ATF1: variants seen among roughly 807,000 people sequenced by gnomAD.
ATF1 encodes cyclic AMP-dependent transcription factor ATF-1.
In ATF1, 16 loss-of-function variants were observed where a neutral mutation model predicts 34.7. The observed-to-expected ratio is 0.46, with a 90% CI of 0.31 to 0.70. The LOEUF is 0.70. Ranked by LOEUF, ATF1 falls within the 30% of genes least tolerant of loss-of-function variation. ATF1 has a pLI of 0.05. For missense variants in ATF1, 255 were observed against 321.6 expected (o/e 0.79, Z 1.58); for synonymous variants, 105 against 113.1 (o/e 0.93, Z 0.46).
At position 50,790,048 on chromosome 12, in the gene ATF1, T is replaced by C. The variant is rs946408449; in HGVS notation, c.94-5861T>C. On this transcript the variant is annotated intron_variant, in intron 2 of 6. Transcript: ENST00000262053. ...GAAACCTTTGAGGAATGATGGCCCTTAGTCTTTTAGAAATGTAGATTAATC... is the reference window on the plus strand; with the variant it reads ...GAAACCTTTGAGGAATGATGGCCCTCAGTCTTTTAGAAATGTAGATTAATC... Among the ~76,000 whole-genome samples the C allele has an allele frequency of 8.0e-4, 122 of 152,182 alleles. 1 individual carries two copies. Among genetic ancestry groups the C allele is most frequent in the African/African-American group, 2.7e-3 (111 of 41,442 alleles).
Position 50,809,439 on chromosome 12 carries a change from T to TC in ATF1, c.195-16dup. ...TCACATTACCAATGTTTAATAGAGTTCTGGTTTTTTTTACAGAAAAATTTT... is the reference window on the plus strand; with the variant it reads ...TCACATTACCAATGTTTAATAGAGTTCCTGGTTTTTTTTACAGAAAAATTTT... On this transcript the variant is annotated splice_polypyrimidine_tract_variant and intron_variant, in intron 3 of 6. Coordinates refer to ENST00000262053, the MANE Select transcript of ATF1 (RefSeq NM_005171.5). 1 of 1,467,976 alleles carries TC rather than the reference T, an allele frequency of 6.8e-7. No homozygotes were observed. The highest frequency in any genetic ancestry group is 9.1e-7 in the Non-Finnish European group (1 of 1,101,538). The allele number at this position is 1,467,976 out of a possible 1,614,324, so 90.9% of individuals were successfully genotyped here.
chr12:50,798,384 C>T (rs1253020927), intron 3 of ATF1, among the ~76,000 whole-genome samples: 1 of 151,592 alleles, frequency 6.6e-6, no homozygotes, highest in African/African-American at 2.4e-5. Context: ...TCTCGGCTCA[C>T]TGCAAGCTCC....
chr12:50,804,569 G>A (rs1371480379), intron 3 of ATF1, among the ~76,000 whole-genome samples: 1 of 152,106 alleles, frequency 6.6e-6, no homozygotes, highest in Non-Finnish European at 1.5e-5. Flanking sequence ...TCTGGTCCCA[G>A]CTGCCCAGGA....
chr12:50,773,856 C>G (rs1940844602), intron 1 of ATF1, among the ~76,000 whole-genome samples: 1 of 151,948 alleles, frequency 6.6e-6, no homozygotes, highest in Non-Finnish European at 1.5e-5. Context: ...TCCCAAAGCG[C>G]TAGGATTACA....
chr12:50,766,427 C>G (rs1411919830), intron 1 of ATF1, among the ~76,000 whole-genome samples: 1 of 152,056 alleles, frequency 6.6e-6, no homozygotes, highest in African/African-American at 2.4e-5. Flanking sequence ...GCCTTGCGCT[C>G]TTTGCTGATG....
Position 50,808,730 on chromosome 12 carries a change from G to A in ATF1, c.195-726G>A, listed in dbSNP as rs142086667. Among the ~76,000 whole-genome samples, 7 of 144,748 alleles carry A rather than the reference G, an allele frequency of 4.8e-5. No homozygotes were observed. In the East Asian group the frequency reaches 1.5e-3, roughly 31 times the overall value. The allele number at this position is 144,748 out of a possible 152,430, so 95.0% of individuals were successfully genotyped here. A position where few individuals can be genotyped will look rare whatever the true frequency, so the allele number is the denominator to read the frequency against. On this transcript the variant is annotated intron_variant, in intron 3 of 6. Transcript: ENST00000262053. The stretch of plus-strand genomic sequence containing the variant: ...TTTGGTGTAATAGTTTAAGTGTCTG[G>A]TAGATTATTGTAATTTTTTTTTTTT...
intron 2 of ATF1, 111 bp downstream of exon 2, chr12:50,780,349 G>GT: frequency 4.6e-6 from 5 of 1,098,660 alleles, no homozygotes; most frequent in East Asian, 2.6e-5. Context: ...TTGTTTTTTG[G>GT]GTTTTTTTTT....
intron 2 of ATF1, among the ~76,000 whole-genome samples, chr12:50,793,039 C>T (rs1389093166): frequency 3.3e-5 from 5 of 152,070 alleles, no homozygotes; most frequent in African/African-American, 1.2e-4. Flanking sequence ...AGAAGCAGCT[C>T]TCCTAGAAGA....
intron 4 of ATF1, among the ~76,000 whole-genome samples, chr12:50,809,841 G>T (rs1240199959): frequency 1.3e-5 from 2 of 152,082 alleles, no homozygotes; most frequent in African/African-American, 4.8e-5. Flanking sequence ...GTTTTGTTTT[G>T]TTTTGTTTTG....
chr12:50,809,688 T>C, intron 4 of ATF1, 99 bp downstream of exon 4: 1 of 1,269,886 alleles, frequency 7.9e-7, no homozygotes, highest in Non-Finnish European at 1.1e-6. Context: ...TTGATAGTGA[T>C]GATTATTAAA....
Position 50,780,143 on chromosome 12 carries a change from A to G in ATF1, c.-3A>G. The G allele has an allele frequency of 6.2e-7, 1 of 1,607,898 alleles. No homozygotes were observed. ...CGGACTTTTTTCCCCCTTATAGTTG[A>G]TTATGGAAGATTCCCACAAGAGTAC... On this transcript the variant is annotated 5_prime_UTR_variant, in exon 2 of 7. Coordinates refer to ENST00000262053, the MANE Select transcript of ATF1 (RefSeq NM_005171.5).
chr12:50,808,800 C>T (rs926960524), intron 3 of ATF1, among the ~76,000 whole-genome samples: 51 of 151,172 alleles, frequency 3.4e-4, no homozygotes, highest in African/African-American at 1.1e-3. Context: ...AGTGCAGTGG[C>T]GCGACCTCGA....
chr12:50,780,577 G>T (rs11169556), intron 2 of ATF1, among the ~76,000 whole-genome samples: 137,234 of 150,010 alleles, frequency 0.91, 63,286 homozygotes, highest in Non-Finnish European at 0.98. Context: ...ACTCCTGACC[G>T]CAGGTAACCC....
intron 1 of ATF1, among the ~76,000 whole-genome samples, chr12:50,774,157 G>A (rs1257692353): frequency 6.6e-6 from 1 of 151,708 alleles, no homozygotes; most frequent in Admixed American, 6.6e-5. Context: ...TCAGCCTCCC[G>A]AGTAGCTGGA....
In ATF1 at chr12:50,791,385, G is replaced by A. The variant is rs542153432; in HGVS notation, c.94-4524G>A. Among the ~76,000 whole-genome samples the A allele has an allele frequency of 1.4e-3, 214 of 152,162 alleles. 2 individuals are homozygous for A. Among genetic ancestry groups the A allele is most frequent in the African/African-American group, 4.9e-3 (205 of 41,512 alleles). ...AGCCTGGCCAACATGGGGAAACCCC[G>A]TCTCTACTAAAAATACAAAAATTAG... On this transcript the variant is annotated intron_variant, in intron 2 of 6. Transcript: ENST00000262053.
intron 2 of ATF1, among the ~76,000 whole-genome samples, chr12:50,780,978 AAAAT>A (rs2139650922): frequency 6.6e-6 from 1 of 152,212 alleles, no homozygotes; most frequent in East Asian, 1.9e-4. Context: ...AAATAAATAA[AAAAT>A]AAAATAGAAA....
chr12:50,764,358 C>A (rs1323360795), intron 1 of ATF1, 51 bp downstream of exon 1: 1 of 150,284 alleles, frequency 6.7e-6, no homozygotes, highest in African/African-American at 2.4e-5. Context: ...CGGGGAAGGA[C>A]GCGGGAACGT....
At chr12:50,775,192 G>A (rs964068138) in intron 1 of ATF1, among the ~76,000 whole-genome samples, 6 of 151,490 alleles carry the variant, frequency 4.0e-5, no homozygotes, top group Non-Finnish European at 7.4e-5. Flanking sequence ...CAATCCTCCT[G>A]CCTCAACCTC....
intron 6 of ATF1, among the ~76,000 whole-genome samples, chr12:50,817,102 CCTTAT>C (rs1259444361): frequency 6.6e-6 from 1 of 152,066 alleles, no homozygotes; most frequent in Admixed American, 6.6e-5. Flanking sequence ...GGAAATTAGG[CCTTAT>C]CTTGTACAGT....
Sources: gnomAD v4.1 joint callset for allele counts (sites outside exome capture counted in the v4.1 genomes callset) on GRCh38, gnomAD v4.1.1 for gene constraint, MANE v1.5 for transcripts, NCBI Gene and HGNC (gene_info 2026-07-23, HGNC 2026-07-21) for gene names.